EVA1C: variants seen among roughly 807,000 people sequenced by gnomAD.
EVA1C encodes the protein eva-1 homolog C, also known as protein eva-1 homolog C.
Under a neutral mutation model 45.4 loss-of-function variants are expected in EVA1C, and 25 were observed. That is an observed-to-expected ratio of 0.55 (90% confidence interval 0.40 to 0.77). The LOEUF is 0.77. Among genes scored for constraint, EVA1C ranks in the 30% least tolerant of loss-of-function variants. The probability of loss-of-function intolerance (pLI) is 0.00; values close to 1 mark genes in which losing one functional copy is unlikely to be tolerated. For missense variants in EVA1C, 479 were observed against 554.8 expected (o/e 0.86, Z 1.37); for synonymous variants, 190 against 221.2 (o/e 0.86, Z 1.25).
rs1174404707 is a variant in EVA1C at position 32,502,037 on chromosome 21, TTTC to T, written c.859+545_859+547del. On this transcript the variant is annotated intron_variant, in intron 6 of 7. Coordinates refer to ENST00000300255, the MANE Select transcript of EVA1C (RefSeq NM_058187.5). Reference sequence around the variant, plus strand: ...CTTTCTTTCTTTCTTTCTTTCTTTCTTTCTTTCTTTCTTTCTTCTTTCTTTCTT... The same window carrying T: ...CTTTCTTTCTTTCTTTCTTTCTTTCTTTTCTTTCTTTCTTCTTTCTTTCTT... 6.9e-3 allele frequency among the ~76,000 whole-genome samples: 521 copies of T among 75,868 alleles called. 5 individuals are homozygous for T. The highest frequency in any genetic ancestry group is 0.023 in the African/African-American group (489 of 21,266). 49.8% of individuals were successfully genotyped at this position (75,868 alleles called of 152,430 possible).
intron 4 of EVA1C, among the ~76,000 whole-genome samples, chr21:32,479,498 T>TAAC (rs138122583): frequency 2.8e-4 from 43 of 151,854 alleles, no homozygotes; most frequent in Admixed American, 9.8e-4. Context: ...AAATAACCAC[T>TAAC]AACAACAACA....
intron 5 of EVA1C, 48 bp downstream of exon 5, chr21:32,495,218 G>T (rs2276222): frequency 5.3e-5 from 85 of 1,598,248 alleles, no homozygotes; most frequent in Non-Finnish European, 4.6e-5. Context: ...GCCTCTTTTG[G>T]GGGAGGGTGG....
chr21:32,514,562 T>G (rs1242197679), intron 7 of EVA1C, among the ~76,000 whole-genome samples: 1 of 152,232 alleles, frequency 6.6e-6, no homozygotes, highest in African/African-American at 2.4e-5. Flanking sequence ...CAGAGGAGTC[T>G]GGCTCCTGAG....
At chr21:32,416,321 CTT>C (rs909665670) in intron 1 of EVA1C, among the ~76,000 whole-genome samples, 7 of 134,294 alleles carry the variant, frequency 5.2e-5, no homozygotes, top group South Asian at 2.3e-4. Context: ...TTTTCTTTTT[CTT>C]TTTTTTTTTT....
At chr21:32,493,769 T>C (rs1366570504) in intron 4 of EVA1C, 1 of 144,552 alleles carries the variant, frequency 6.9e-6, no homozygotes, top group Admixed American at 7.0e-5. Context: ...CAAGGTAGGC[T>C]TTTTATTTAT....
intron 5 of EVA1C, among the ~76,000 whole-genome samples, chr21:32,499,191 A>G (rs1300779358): frequency 6.6e-6 from 1 of 152,256 alleles, no homozygotes; most frequent in Non-Finnish European, 1.5e-5. Context: ...CTGAAGCCAT[A>G]GTTTGAGAAC....
intron 1 of EVA1C, among the ~76,000 whole-genome samples, chr21:32,415,814 G>C (rs1359909265): frequency 1.3e-5 from 2 of 152,162 alleles, no homozygotes; most frequent in African/African-American, 4.8e-5. Context: ...ATGAATCCCA[G>C]CGAAGGCAAG....
chr21:32,462,959 T>C lies in EVA1C; in HGVS notation c.482-4737T>C, dbSNP rs140080614. On this transcript the variant is annotated intron_variant, in intron 3 of 7. Transcript: ENST00000300255. ...TCAGCTCTGGAGGCTGTGAGACCCC[T>C]GATTTCCCACTCCACACCTCTATAT... Among the ~76,000 whole-genome samples the C allele has an allele frequency of 6.4e-3, 969 of 152,332 alleles. 18 individuals are homozygous for C. The highest frequency in any genetic ancestry group is 0.036 in the Admixed American group (549 of 15,306).
At chr21:32,492,790 C>T (rs2037209073) in intron 4 of EVA1C, among the ~76,000 whole-genome samples, 1 of 151,956 alleles carries the variant, frequency 6.6e-6, no homozygotes, top group African/African-American at 2.4e-5. Flanking sequence ...AGTAGCACCA[C>T]TGTTTCCCCA....
intron 2 of EVA1C, among the ~76,000 whole-genome samples, chr21:32,456,557 G>T (rs989123727): frequency 6.6e-6 from 1 of 152,202 alleles, no homozygotes; most frequent in African/African-American, 2.4e-5. Flanking sequence ...TGAGAGAATG[G>T]GGGATACCTG....
intron 6 of EVA1C, among the ~76,000 whole-genome samples, chr21:32,502,020 CTTTCTTTCT>C (rs2037559529): frequency 7.4e-6 from 1 of 135,642 alleles, no homozygotes; most frequent in African/African-American, 3.0e-5. Context: ...TTCTTTCTTT[CTTTCTTTCT>C]TTCTTTCTTT....
chr21:32,416,321 CTTTT>C (rs909665670), intron 1 of EVA1C, among the ~76,000 whole-genome samples: 13 of 134,298 alleles, frequency 9.7e-5, no homozygotes, highest in Admixed American at 3.1e-4. Context: ...TTTTCTTTTT[CTTTT>C]TTTTTTTTTT....
intron 3 of EVA1C, among the ~76,000 whole-genome samples, chr21:32,460,987 CTGCCCGCA>C: frequency 6.6e-6 from 1 of 152,354 alleles, no homozygotes; most frequent in African/African-American, 2.4e-5. Context: ...CTCAAGTGAT[CTGCCCGCA>C]TTGGCCTCCC....
chr21:32,460,673 A>G (rs1413170928), intron 3 of EVA1C, among the ~76,000 whole-genome samples: 2 of 152,126 alleles, frequency 1.3e-5, no homozygotes, highest in African/African-American at 4.8e-5. Context: ...TGTGAGTTTC[A>G]CACAAATATG....
chr21:32,497,139 A>G, intron 5 of EVA1C: 4 of 813,198 alleles, frequency 4.9e-6, no homozygotes, highest in Non-Finnish European at 8.8e-6. Flanking sequence ...CATGAAATCA[A>G]ACAGGAAGTG....
rs2146325767 is a variant in EVA1C, at chr21:32,474,487, G to A, written c.634+6639G>A. 6.6e-6 allele frequency among the ~76,000 whole-genome samples: 1 copy of A among 152,298 alleles called. No homozygotes were observed. The highest frequency in any genetic ancestry group is 1.9e-4 in the East Asian group (1 of 5,178). ...ATGTCATCTCAGAGAGGTTTCTCCAGGCACCGGCCAGCATGGCACCTCGTC... is the reference window on the plus strand; with the variant it reads ...ATGTCATCTCAGAGAGGTTTCTCCAAGCACCGGCCAGCATGGCACCTCGTC... On this transcript the variant is annotated intron_variant, in intron 4 of 7. Coordinates refer to ENST00000300255, the MANE Select transcript of EVA1C (RefSeq NM_058187.5). This position sits in a 1 kb window ranked among gnomAD's most constrained non-coding sequence, Gnocchi z 4.4.
At chr21:32,502,162 C>A (rs1030914603) in intron 6 of EVA1C, among the ~76,000 whole-genome samples, 4 of 151,614 alleles carry the variant, frequency 2.6e-5, no homozygotes, top group African/African-American at 9.7e-5. Flanking sequence ...TGCAATGGCG[C>A]AATCTCCACT....
intron 1 of EVA1C, among the ~76,000 whole-genome samples, chr21:32,421,341 A>ATATG (rs755200466): frequency 2.0e-5 from 3 of 152,174 alleles, no homozygotes; most frequent in African/African-American, 7.2e-5. Context: ...AGACCTCTAT[A>ATATG]TAAAGCCAGG....
intron 7 of EVA1C, among the ~76,000 whole-genome samples, chr21:32,504,969 T>G (rs1186154015): frequency 6.6e-6 from 1 of 152,056 alleles, no homozygotes; most frequent in Non-Finnish European, 1.5e-5. Context: ...TCTTACTTGG[T>G]AGCAGGCAAG....
Sources: gnomAD v4.1 joint callset for allele counts (sites outside exome capture counted in the v4.1 genomes callset) on GRCh38, gnomAD v4.1.1 for gene constraint, Gnocchi (gnomAD v3.1) non-coding constraint, MANE v1.5 for transcripts, NCBI Gene and HGNC (gene_info 2026-07-23, HGNC 2026-07-21) for gene names.